The following GABBR2 variants were observed in gnomAD, a reference collection of about 807,000 sequenced individuals.
The protein encoded by GABBR2 is gamma-aminobutyric acid type B receptor subunit 2.
In GABBR2, 23 loss-of-function variants were observed where a neutral mutation model predicts 105.6. The ratio of observed to expected loss-of-function variants is 0.22; its 90% CI spans 0.16 to 0.31. The LOEUF is 0.31. Among genes scored for constraint, GABBR2 ranks in the 10% least tolerant of loss-of-function variants. The pLI is 1.00. For missense variants in GABBR2, 734 were observed against 1,245.5 expected (o/e 0.59, Z 6.18); for synonymous variants, 478 against 499.7 (o/e 0.96, Z 0.58).
intron 4 of GABBR2, among the ~76,000 whole-genome samples, chr9:98,483,749 C>T (rs1377449144): frequency 6.6e-6 from 1 of 152,166 alleles, no homozygotes; most frequent in Non-Finnish European, 1.5e-5. Flanking sequence ...CTACCTTAGC[C>T]CAGGCTCCTC....
intron 7 of GABBR2, among the ~76,000 whole-genome samples, chr9:98,416,696 C>A (rs1407621861): frequency 1.3e-5 from 2 of 152,258 alleles, no homozygotes; most frequent in Non-Finnish European, 2.9e-5. Context: ...GGCTTCTCCT[C>A]TGAGCTCCTG....
intron 11 of GABBR2, 132 bp from the exon 12 acceptor site, chr9:98,371,703 T>C (rs187106598): frequency 1.5e-4 from 94 of 618,732 alleles, no homozygotes; most frequent in African/African-American, 1.2e-3. Context: ...TTGAGTTTCA[T>C]TGGCATCTTT....
intron 13 of GABBR2, among the ~76,000 whole-genome samples, chr9:98,352,226 A>G (rs1477358733): frequency 2.0e-5 from 3 of 152,234 alleles, no homozygotes; most frequent in African/African-American, 7.2e-5. Flanking sequence ...ATGTAGGGGC[A>G]CTGGTGGTGG....
At chr9:98,611,457 G>GGAATGAAT (rs10693570) in intron 1 of GABBR2, among the ~76,000 whole-genome samples, 13,623 of 150,006 alleles carry the variant, frequency 0.091, 715 homozygotes, top group East Asian at 0.13. Context: ...GTGCACCCGA[G>GGAATGAAT]GAATGAATGA....
At chr9:98,554,020 G>T (rs1828538079) in intron 2 of GABBR2, among the ~76,000 whole-genome samples, 1 of 152,178 alleles carries the variant, frequency 6.6e-6, no homozygotes, top group Non-Finnish European at 1.5e-5. Context: ...TAAGGAAACT[G>T]ATGTTCAGAG....
intron 3 of GABBR2, among the ~76,000 whole-genome samples, chr9:98,541,470 A>G (rs1208255354): frequency 6.6e-6 from 1 of 152,154 alleles, no homozygotes; most frequent in African/African-American, 2.4e-5. Flanking sequence ...ACCCCATCCA[A>G]GGTGACATTG....
intron 1 of GABBR2, among the ~76,000 whole-genome samples, chr9:98,667,933 T>C (rs1434519561): frequency 6.6e-6 from 1 of 152,182 alleles, no homozygotes; most frequent in Admixed American, 6.5e-5. Context: ...TTACTGGAAC[T>C]TGCCCTCAGT....
intron 13 of GABBR2, among the ~76,000 whole-genome samples, chr9:98,319,803 C>A (rs1358782200): frequency 6.6e-6 from 1 of 152,086 alleles, no homozygotes; most frequent in Non-Finnish European, 1.5e-5. Flanking sequence ...AGATGAGATG[C>A]CCCCTGGGAG....
rs544707655 is a variant in GABBR2, at chr9:98,582,969, T to C, written c.322-4897A>G. On this transcript the variant is annotated intron_variant, in intron 1 of 18. Transcript: ENST00000259455. ...CAGGATTAGGAGAGGGATTTCTGGA[T>C]TCCCAGTCTCTCAGCATTCCAATAG... Among the ~76,000 whole-genome samples the C allele has an allele frequency of 7.2e-5, 11 of 152,292 alleles. No individual in the cohort carries two copies. The South Asian group carries it at 2.3e-3, about 32-fold the overall frequency.
chr9:98,313,829 T>A (rs1019324899), intron 13 of GABBR2, among the ~76,000 whole-genome samples: 3 of 151,914 alleles, frequency 2.0e-5, no homozygotes, highest in Admixed American at 2.0e-4. Context: ...AGAAACTAGT[T>A]TTTTGGTCTT....
chr9:98,436,205 T>C lies in GABBR2; in HGVS notation c.1236+17776A>G, dbSNP rs191690419. Among the ~76,000 whole-genome samples the C allele has an allele frequency of 6.2e-4, 92 of 147,806 alleles. No individual in the cohort carries two copies. In the East Asian group the frequency reaches 0.016, roughly 26 times the overall value. On this transcript the variant is annotated intron_variant, in intron 7 of 18. Transcript: ENST00000259455. ...CTTCCATGGCCCAGAAAGAGTGTTT[T>C]ATTAGCCCTAGGACATATAGTTAAT...
chr9:98,429,121 G>GGTGTGTGTGTGT (rs56248488), intron 7 of GABBR2, among the ~76,000 whole-genome samples: 2,133 of 145,538 alleles, frequency 0.015, 28 homozygotes, highest in East Asian at 0.032. Flanking sequence ...CCAGGTTTTT[G>GGTGTGTGTGTGT]GTGTGTGTGT....
chr9:98,633,626 CAAAA>C (rs11301472), intron 1 of GABBR2, among the ~76,000 whole-genome samples: 4 of 84,324 alleles, frequency 4.7e-5, no homozygotes, highest in Admixed American at 1.2e-4. Context: ...GACTCCATCT[CAAAA>C]AAAAAAAAAA....
intron 4 of GABBR2, among the ~76,000 whole-genome samples, chr9:98,494,880 C>T (rs903786156): frequency 6.6e-5 from 10 of 152,238 alleles, no homozygotes; most frequent in Non-Finnish European, 1.5e-4. Context: ...GTTCTTTAAA[C>T]ATTAAAGTCC....
intron 12 of GABBR2, among the ~76,000 whole-genome samples, chr9:98,364,199 T>C (rs894631772): frequency 6.6e-6 from 1 of 152,204 alleles, no homozygotes; most frequent in African/African-American, 2.4e-5. Context: ...CTGCTGGTGC[T>C]TTGCAGAAAC....
intron 9 of GABBR2, among the ~76,000 whole-genome samples, chr9:98,389,905 C>T (rs1299803276): frequency 6.6e-6 from 1 of 152,016 alleles, no homozygotes; most frequent in African/African-American, 2.4e-5. Flanking sequence ...GTGGAATCAG[C>T]CGGATGTTAC....
intron 1 of GABBR2, among the ~76,000 whole-genome samples, chr9:98,594,482 T>C (rs965767713): frequency 3.3e-5 from 5 of 150,030 alleles, no homozygotes; most frequent in African/African-American, 9.9e-5. Context: ...CACCAAGTGC[T>C]GGGAGGGGAG....
intron 13 of GABBR2, among the ~76,000 whole-genome samples, chr9:98,327,135 T>C (rs1407871021): frequency 6.6e-6 from 1 of 152,248 alleles, no homozygotes; most frequent in African/African-American, 2.4e-5. Context: ...CCTTGTGCTA[T>C]GATTTATTAT....
chr9:98,524,114 T>C (rs1481673840), intron 3 of GABBR2, among the ~76,000 whole-genome samples: 3 of 151,952 alleles, frequency 2.0e-5, no homozygotes, highest in Non-Finnish European at 4.4e-5. Context: ...ATTTAAGGAG[T>C]ATAAAGCCAA....
Sources: gnomAD v4.1 joint callset for allele counts (sites outside exome capture counted in the v4.1 genomes callset) on GRCh38, gnomAD v4.1.1 for gene constraint, MANE v1.5 for transcripts, NCBI Gene and HGNC (gene_info 2026-07-23, HGNC 2026-07-21) for gene names.